ETV6: variants seen among roughly 807,000 people sequenced by gnomAD.
ETV6 encodes ETS variant transcription factor 6.
ETV6 carries 16 observed loss-of-function variants against 51.1 expected under a neutral mutation model. That is an observed-to-expected ratio of 0.31 (90% confidence interval 0.21 to 0.48). The LOEUF (loss-of-function observed/expected upper bound fraction) is 0.48. Among genes scored for constraint, ETV6 ranks in the 20% least tolerant of loss-of-function variants. The pLI is 0.99. For missense variants in ETV6, 458 were observed against 594.8 expected, an observed-to-expected ratio of 0.77 and a Z score of 2.39; for synonymous variants, 240 against 224.1, an observed-to-expected ratio of 1.07 and a Z score of -0.64.
intron 2 of ETV6, among the ~76,000 whole-genome samples, chr12:11,794,300 A>G (rs575738518): frequency 5.9e-5 from 9 of 152,318 alleles, no homozygotes; most frequent in Non-Finnish European, 1.0e-4. Context: ...GATGCTTCCT[A>G]TGAAACCGAC....
chr12:11,733,754 G>C (rs892755627), intron 1 of ETV6, among the ~76,000 whole-genome samples: 1 of 152,170 alleles, frequency 6.6e-6, no homozygotes, highest in African/African-American at 2.4e-5. Flanking sequence ...TTTCCATACA[G>C]CTACCAATAT....
chr12:11,760,770 G>T (rs1394447598), intron 2 of ETV6, among the ~76,000 whole-genome samples: 1 of 151,924 alleles, frequency 6.6e-6, no homozygotes, highest in African/African-American at 2.4e-5. Flanking sequence ...TTCTCCTTAG[G>T]AGCCACTCTG....
chr12:11,756,357 G>A (rs1021562120), intron 2 of ETV6, among the ~76,000 whole-genome samples: 1 of 152,132 alleles, frequency 6.6e-6, no homozygotes, highest in Non-Finnish European at 1.5e-5. Context: ...AAGTATGTTT[G>A]TTGAGAGGAT....
chr12:11,891,652 TTC>T lies in ETV6; in HGVS notation c.*614_*615del, dbSNP rs1262528125. On this transcript the variant is annotated 3_prime_UTR_variant, in exon 8 of 8. Coordinates refer to ENST00000396373, the MANE Select transcript of ETV6 (RefSeq NM_001987.5). ...TAAAATGAAAAGGAGAGCTCTCTTT[TTC>T]TCTCTCTTGCTCTGTTCTTCCCTTG... 1.3e-5 allele frequency: 7 copies of T among 526,732 alleles called. No individual in the cohort carries two copies. The highest frequency in any genetic ancestry group is 2.3e-5 in the Admixed American group (1 of 42,832). 32.6% of individuals were successfully genotyped at this position (526,732 alleles called of 1,614,324 possible). A position where few individuals can be genotyped will look rare whatever the true frequency, so the allele number is the denominator to read the frequency against.
intron 3 of ETV6, among the ~76,000 whole-genome samples, chr12:11,843,041 T>C (rs1946413057): frequency 6.6e-6 from 1 of 152,208 alleles, no homozygotes; most frequent in African/African-American, 2.4e-5. Flanking sequence ...TTATGTAGAA[T>C]TTTATGAGCT....
intron 2 of ETV6, among the ~76,000 whole-genome samples, chr12:11,776,317 C>G (rs1945323469): frequency 6.6e-6 from 1 of 152,082 alleles, no homozygotes; most frequent in South Asian, 2.1e-4. Context: ...AATTAAATAA[C>G]TCACCAAAGA....
intron 2 of ETV6, among the ~76,000 whole-genome samples, chr12:11,778,301 CGCACACGCGTGT>C: frequency 6.6e-6 from 1 of 152,312 alleles, no homozygotes; most frequent in South Asian, 2.1e-4. Context: ...GCCTGGCGAG[CGCACACGCGTGT>C]GCACACACAC....
chr12:11,868,013 G>A (rs149350527), intron 4 of ETV6, among the ~76,000 whole-genome samples: 169 of 152,208 alleles, frequency 1.1e-3, no homozygotes, highest in African/African-American at 3.6e-3. Flanking sequence ...TGTTATCCTC[G>A]CTCACATGTC....
At chr12:11,744,142 A>T (rs1865863874) in intron 1 of ETV6, among the ~76,000 whole-genome samples, 1 of 152,170 alleles carries the variant, frequency 6.6e-6, no homozygotes, top group African/African-American at 2.4e-5. Context: ...ACATGCCTGG[A>T]AGGTATCTCT....
intron 1 of ETV6, among the ~76,000 whole-genome samples, chr12:11,650,497 A>AC (rs1565472709): frequency 1.2e-4 from 8 of 69,086 alleles, no homozygotes; most frequent in Non-Finnish European, 2.3e-4. Flanking sequence ...AAAAAAAAAC[A>AC]AAAAACAAAA....
intron 2 of ETV6, among the ~76,000 whole-genome samples, chr12:11,756,992 G>C (rs986742506): frequency 1.4e-4 from 21 of 152,196 alleles, no homozygotes; most frequent in African/African-American, 5.1e-4. Flanking sequence ...GTGTCCATTT[G>C]GCCTTCTAAA....
chr12:11,875,048 A>T (rs913847084), intron 5 of ETV6, among the ~76,000 whole-genome samples: 22 of 51,486 alleles, frequency 4.3e-4, no homozygotes, highest in African/African-American at 1.3e-3. Flanking sequence ...AGTATAATTA[A>T]AAAAAAAAGA....
chr12:11,658,266 C>T (rs1416630496), intron 1 of ETV6, among the ~76,000 whole-genome samples: 1 of 152,132 alleles, frequency 6.6e-6, no homozygotes, highest in South Asian at 2.1e-4. Context: ...GACAGAGTCT[C>T]GCTCTGTCAC....
chr12:11,746,419 GAAATA>G (rs1467151263), intron 1 of ETV6, among the ~76,000 whole-genome samples: 5 of 152,146 alleles, frequency 3.3e-5, no homozygotes, highest in Middle Eastern at 3.2e-3. Context: ...TTGTGAGGCT[GAAATA>G]AAATAAAGGC....
At chr12:11,665,040 C>T (rs1864169761) in intron 1 of ETV6, among the ~76,000 whole-genome samples, 1 of 152,216 alleles carries the variant, frequency 6.6e-6, no homozygotes, top group Non-Finnish European at 1.5e-5. Context: ...CTCAGGAGGA[C>T]ATGGTCTCGC....
intron 2 of ETV6, among the ~76,000 whole-genome samples, chr12:11,775,582 A>C (rs79871074): frequency 1.3e-3 from 193 of 152,260 alleles, no homozygotes; most frequent in African/African-American, 4.2e-3. Context: ...TTTTCTTGTT[A>C]ATCCGTGGAA....
intron 1 of ETV6, among the ~76,000 whole-genome samples, chr12:11,668,527 T>A (rs1864240695): frequency 6.6e-6 from 1 of 152,114 alleles, no homozygotes; most frequent in Admixed American, 6.5e-5. Context: ...TTTCAACTAG[T>A]CTTCTATGTG....
At chr12:11,713,849 G>T (rs760195487) in intron 1 of ETV6, among the ~76,000 whole-genome samples, 9 of 152,172 alleles carry the variant, frequency 5.9e-5, no homozygotes, top group South Asian at 2.1e-4. Context: ...ATTAAATTCA[G>T]TAATGTTATA....
chr12:11,741,162 A>T (rs1405588302), intron 1 of ETV6, among the ~76,000 whole-genome samples: 1 of 152,196 alleles, frequency 6.6e-6, no homozygotes, highest in Non-Finnish European at 1.5e-5. Flanking sequence ...GTGTGCAAAA[A>T]TAAAGACCGA....
Sources: gnomAD v4.1 joint callset for allele counts (sites outside exome capture counted in the v4.1 genomes callset) on GRCh38, gnomAD v4.1.1 for gene constraint, MANE v1.5 for transcripts, NCBI Gene and HGNC (gene_info 2026-07-23, HGNC 2026-07-21) for gene names.